XPO5: variants seen among roughly 807,000 people sequenced by gnomAD.
XPO5 encodes exportin 5.
In XPO5, 46 loss-of-function variants were observed where a neutral mutation model predicts 160.6. That is an observed-to-expected ratio of 0.29 (90% confidence interval 0.23 to 0.37). The LOEUF (loss-of-function observed/expected upper bound fraction) is 0.37, where lower values mean the gene tolerates loss of function less well. Ranked by LOEUF, XPO5 falls within the 10% of genes least tolerant of loss-of-function variation. The pLI is 1.00. For missense variants in XPO5, 1,090 were observed against 1,463.9 expected (o/e 0.74, Z 4.17); for synonymous variants, 537 against 519.3 (o/e 1.03, Z -0.46).
Position 43,523,643 on chromosome 6 carries a change from C to T in XPO5, c.*225G>A. 1 of 797,676 alleles carries T rather than the reference C, an allele frequency of 1.3e-6. No homozygotes were observed. The highest frequency in any genetic ancestry group is 2.6e-5 in the East Asian group (1 of 38,418). The allele number at this position is 797,676 out of a possible 1,614,324, so 49.4% of individuals were successfully genotyped here. Reference sequence around the variant, plus strand: ...CAAGTAGAATGGGAACTATCTGGGACATCTAGACAGAATAGTTTAAGCCCT... The same window carrying T: ...CAAGTAGAATGGGAACTATCTGGGATATCTAGACAGAATAGTTTAAGCCCT... On this transcript the variant is annotated 3_prime_UTR_variant, in exon 32 of 32. Transcript: ENST00000265351.
intron 9 of XPO5, 114 bp from the exon 10 acceptor site, chr6:43,561,121 G>A: frequency 2.3e-6 from 2 of 876,626 alleles, no homozygotes; most frequent in South Asian, 1.5e-5. Flanking sequence ...TGTTTCAAAA[G>A]GACTTTGTAT....
intron 27 of XPO5, 134 bp downstream of exon 27, chr6:43,526,548 AGAG>A: frequency 1.1e-6 from 1 of 947,314 alleles, no homozygotes; most frequent in Non-Finnish European, 1.6e-6. Context: ...GCACACAGCA[AGAG>A]GGCTGGTCCA....
At chr6:43,550,861 TA>T (rs1795192531) in intron 15 of XPO5, 1 of 152,494 alleles carries the variant, frequency 6.6e-6, no homozygotes, top group Non-Finnish European at 1.5e-5. Flanking sequence ...CTTCCTCTCA[TA>T]AATCCCCTCC....
rs112132990 is a variant in XPO5, at chr6:43,556,002, A to G, written c.1313-38T>C. On this transcript the variant is annotated intron_variant, in intron 12 of 31. Transcript: ENST00000265351. ...AATGCCAAGGGAAGGACAGGAATCA[A>G]TAACTGGTATAAAATAAGTACTTAA... 0.023 allele frequency: 37,571 copies of G among 1,610,082 alleles called. 533 individuals carry two copies. The highest frequency in any genetic ancestry group is 0.027 in the Non-Finnish European group (32,359 of 1,177,898).
Position 43,522,826 on chromosome 6 carries a change from G to T in XPO5, c.*1042C>A. On this transcript the variant is annotated 3_prime_UTR_variant, in exon 32 of 32. Transcript: ENST00000265351. Reference sequence around the variant, plus strand: ...CGGCCAGTAATAACCTCAGGGCCAGGTCCCGTATCCATGTCCTCTCTTTAC... The same window carrying T: ...CGGCCAGTAATAACCTCAGGGCCAGTTCCCGTATCCATGTCCTCTCTTTAC... 3.0e-6 allele frequency: 1 copy of T among 328,840 alleles called. No homozygotes were observed. Among genetic ancestry groups the T allele is most frequent in the East Asian group, 1.0e-4 (1 of 9,554 alleles). The allele number at this position is 328,840 out of a possible 1,614,324, so 20.4% of individuals were successfully genotyped here.
intron 17 of XPO5, 91 bp downstream of exon 17, chr6:43,549,398 A>T: frequency 7.9e-7 from 1 of 1,269,240 alleles, no homozygotes; most frequent in Non-Finnish European, 1.1e-6. Context: ...TATAGTTTCT[A>T]GTTTTTTCTT....
chr6:43,560,992 C>A lies in XPO5; in HGVS notation c.1027G>T (p.Val343Leu). ...TTTCCAAAGTTTGATGGTGTTTCTA[C>A]ATCAGAATCTGCACCCTGTAGGAGA... ...LCALLGADSDVETPSNFGKYL... is the reference protein window; with the variant it reads ...LCALLGADSDLETPSNFGKYL... The change falls in exon 10 of 32, where the codon GTA becomes TTA. Residue 343 changes from valine (V) to leucine (L), a missense_variant. Around this residue, in one of 3 missense-constraint regions of XPO5, gnomAD observed 810 missense variants for 1,139.0 expected, o/e 0.71. Coordinates refer to ENST00000265351, the MANE Select transcript of XPO5 (RefSeq NM_020750.3). 6.2e-7 allele frequency: 1 copy of A among 1,613,876 alleles called. No homozygotes were observed. Among genetic ancestry groups the A allele is most frequent in the Admixed American group, 1.7e-5 (1 of 60,014 alleles).
chr6:43,569,597 G>T (rs1762884996), intron 5 of XPO5, among the ~76,000 whole-genome samples: 1 of 151,946 alleles, frequency 6.6e-6, no homozygotes. Context: ...GACGGGCATG[G>T]TGGCAGGCAC....
At position 43,530,804 on chromosome 6, in the gene XPO5, G is replaced by A. The variant is rs1196058564; in HGVS notation, c.2561C>T (p.Ala854Val). ...YENCFHILGK[A>V]GPSMQQDFYT... ...GAAGTCTTGCTGCATGGAAGGGCCTGCCTTCCCTAGGATATGAAAACTGTA... is the reference window on the plus strand; with the variant it reads ...GAAGTCTTGCTGCATGGAAGGGCCTACCTTCCCTAGGATATGAAAACTGTA... Residue 854 changes from alanine to valine, a missense_variant, in exon 23 of 32, where the codon GCA (alanine) becomes GTA (valine). Physicochemically the swap from Ala to Val is moderately conservative, Grantham distance 64. Around this residue, in one of 3 missense-constraint regions of XPO5, gnomAD observed 810 missense variants for 1,139.0 expected, o/e 0.71. Transcript: ENST00000265351. 6.2e-7 allele frequency: 1 copy of A among 1,611,702 alleles called. No individual in the cohort carries two copies. The highest frequency in any genetic ancestry group is 8.5e-7 in the Non-Finnish European group (1 of 1,179,216).
chr6:43,558,152 A>C, intron 12 of XPO5, among the ~76,000 whole-genome samples: 1 of 152,168 alleles, frequency 6.6e-6, no homozygotes, highest in East Asian at 1.9e-4. Context: ...ACAGAACTAG[A>C]ATATTAGAAT....
At chr6:43,569,302 A>AC (rs112465901) in intron 5 of XPO5, among the ~76,000 whole-genome samples, 26 of 151,434 alleles carry the variant, frequency 1.7e-4, no homozygotes, top group African/African-American at 5.6e-4. Flanking sequence ...CAAAAAAAAA[A>AC]AAACAACAAA....
chr6:43,565,850 G>T, intron 7 of XPO5, 114 bp from the exon 8 acceptor site: 2 of 764,774 alleles, frequency 2.6e-6, no homozygotes, highest in African/African-American at 3.6e-5. Flanking sequence ...ATACCCCAGG[G>T]TTTAGTGAAA....
At chr6:43,568,822 G>T in intron 5 of XPO5, 85 bp from the exon 6 acceptor site, 2 of 1,196,196 alleles carry the variant, frequency 1.7e-6, no homozygotes, top group South Asian at 3.3e-5. Context: ...CAATGCCCTT[G>T]AATAATGATT....
intron 20 of XPO5, chr6:43,539,593 AC>A: frequency 7.2e-7 from 1 of 1,381,872 alleles, no homozygotes. Context: ...CACGGCTGCG[AC>A]CCCGGCCCCG....
intron 21 of XPO5, among the ~76,000 whole-genome samples, chr6:43,531,790 T>A (rs111734266): frequency 6.6e-6 from 1 of 151,492 alleles, no homozygotes; most frequent in Non-Finnish European, 1.5e-5. Flanking sequence ...GGGTACTCTT[T>A]TATCTGCTTT....
At position 43,549,948 on chromosome 6, in the gene XPO5, G is replaced by T; in HGVS notation, c.1729-14C>A. On this transcript the variant is annotated splice_polypyrimidine_tract_variant and intron_variant, in intron 15 of 31. Transcript: ENST00000265351. ...AGATGAAAATAGCTAAGGGAGAGGA[G>T]GAAAAAAGGTCACTCATGTTTATTT... 9 of 1,611,258 alleles carry T rather than the reference G, an allele frequency of 5.6e-6. No individual in the cohort carries two copies. The highest frequency in any genetic ancestry group is 6.8e-6 in the Non-Finnish European group (8 of 1,178,638).
rs764078203 is a variant in XPO5, at chr6:43,522,742, T to A, written c.*1126A>T. 2 of 497,264 alleles carry A rather than the reference T, an allele frequency of 4.0e-6. No individual in the cohort carries two copies. Among genetic ancestry groups the A allele is most frequent in the South Asian group, 3.0e-5 (2 of 66,748 alleles). The allele number at this position is 497,264 out of a possible 1,614,324, so 30.8% of individuals were successfully genotyped here. A position where few individuals can be genotyped will look rare whatever the true frequency, so the allele number is the denominator to read the frequency against. ...GTCAGTGGACTGGATGGACAACAGG[T>A]CTGTTTTTGTGCAGAGCACATGGAC... On this transcript the variant is annotated 3_prime_UTR_variant, in exon 32 of 32. Transcript: ENST00000265351.
Position 43,567,359 on chromosome 6 carries a change from C to A in XPO5, c.649-5G>T, listed in dbSNP as rs1762747986. ...TACTCGACAGTTTGCTTGCGCCTAC[C>A]AGAAAAGAAGTAACTTTGGACCATG... On this transcript the variant is annotated splice_region_variant and splice_polypyrimidine_tract_variant and intron_variant, in intron 6 of 31. Coordinates refer to ENST00000265351, the MANE Select transcript of XPO5 (RefSeq NM_020750.3). 1.3e-6 allele frequency: 2 copies of A among 1,596,040 alleles called. No individual in the cohort carries two copies. The highest frequency in any genetic ancestry group is 1.7e-6 in the Non-Finnish European group (2 of 1,172,164).
intron 9 of XPO5, 149 bp from the exon 10 acceptor site, chr6:43,561,156 C>T (rs762532379): frequency 3.0e-5 from 19 of 640,124 alleles, no homozygotes; most frequent in Non-Finnish European, 5.2e-5. Context: ...AGAAAGGCAT[C>T]ACTTCAAGGG....
Sources: gnomAD v4.1 joint callset for allele counts (sites outside exome capture counted in the v4.1 genomes callset) on GRCh38, gnomAD v4.1.1 for gene constraint, gnomAD v4.1.1 regional missense constraint, MANE v1.5 for transcripts, NCBI Gene and HGNC (gene_info 2026-07-23, HGNC 2026-07-21) for gene names.